CACNA2D1: variants seen among roughly 807,000 people sequenced by gnomAD.
CACNA2D1 encodes the protein voltage-dependent calcium channel subunit alpha-2/delta-1.
In CACNA2D1, 53 loss-of-function variants were observed where a neutral mutation model predicts 171.5. That is an observed-to-expected ratio of 0.31 (90% CI 0.25 to 0.39). The LOEUF is 0.39. Among genes scored for constraint, CACNA2D1 ranks in the 10% least tolerant of loss-of-function variants. CACNA2D1 has a pLI of 1.00. For missense variants in CACNA2D1, 903 were observed against 1,299.8 expected (o/e 0.69, Z 4.69); for synonymous variants, 442 against 443.1 (o/e 1.00, Z 0.03).
At chr7:81,964,186 T>G (rs1432108135) in intron 33 of CACNA2D1, 21 bp downstream of exon 33, 1 of 1,612,624 alleles carries the variant, frequency 6.2e-7, no homozygotes, top group Non-Finnish European at 8.5e-7. Flanking sequence ...GAGAATTGAT[T>G]AGACCGTGGA....
At chr7:82,249,149 C>T (rs1273916667) in intron 3 of CACNA2D1, among the ~76,000 whole-genome samples, 5 of 150,832 alleles carry the variant, frequency 3.3e-5, no homozygotes, top group Admixed American at 1.3e-4. Context: ...TAAAATTCAA[C>T]ATAGATGTTT....
intron 3 of CACNA2D1, among the ~76,000 whole-genome samples, chr7:82,290,685 C>G (rs1409162158): frequency 6.6e-6 from 1 of 151,524 alleles, no homozygotes; most frequent in Admixed American, 6.6e-5. Flanking sequence ...CAACCTCTGC[C>G]TCCTAGGTTT....
At chr7:82,404,045 T>A (rs543024704) in intron 1 of CACNA2D1, among the ~76,000 whole-genome samples, 58 of 152,308 alleles carry the variant, frequency 3.8e-4, no homozygotes, top group African/African-American at 1.3e-3. Flanking sequence ...AATCTAGCAG[T>A]GTTAACTAAG....
intron 3 of CACNA2D1, among the ~76,000 whole-genome samples, chr7:82,300,182 C>G (rs1014407493): frequency 1.3e-5 from 2 of 151,498 alleles, no homozygotes; most frequent in African/African-American, 4.9e-5. Flanking sequence ...GTAAATAAAG[C>G]ACGAAGTTAG....
intron 4 of CACNA2D1, among the ~76,000 whole-genome samples, chr7:82,169,852 AT>A (rs34323202): frequency 0.52 from 77,070 of 148,964 alleles, 20,922 homozygotes; most frequent in Non-Finnish European, 0.62. Context: ...TTATTAAGGA[AT>A]TTTTTTTTTT....
At chr7:82,179,577 C>T (rs1235604108) in intron 3 of CACNA2D1, among the ~76,000 whole-genome samples, 6 of 152,046 alleles carry the variant, frequency 3.9e-5, no homozygotes, top group Non-Finnish European at 8.8e-5. Flanking sequence ...ACCTAAGTTG[C>T]CCTAAAATGG....
At chr7:82,443,929 A>T, upstream of CACNA2D1, 1 of 169,128 alleles carries the variant, frequency 5.9e-6, no homozygotes, top group East Asian at 1.2e-4. Flanking sequence ...TGGAAGCGAG[A>T]GGCTCCGTCT....
Position 82,119,312 on chromosome 7 carries a change from G to A in CACNA2D1, c.397-2139C>T, listed in dbSNP as rs564782923. Among the ~76,000 whole-genome samples the A allele has an allele frequency of 1.2e-4, 19 of 152,178 alleles. No homozygotes were observed. In the South Asian group the frequency reaches 3.3e-3, roughly 27 times the overall value. ...TATATTCAAATGCATTTGATAAAACGAAACTGACACATGAAATGCATAATT... is the reference window on the plus strand; with the variant it reads ...TATATTCAAATGCATTTGATAAAACAAAACTGACACATGAAATGCATAATT... On this transcript the variant is annotated intron_variant, in intron 5 of 38. Coordinates refer to ENST00000356860, the MANE Select transcript of CACNA2D1 (RefSeq NM_000722.4).
chr7:82,354,123 T>C (rs1820159260), intron 1 of CACNA2D1, among the ~76,000 whole-genome samples: 1 of 152,122 alleles, frequency 6.6e-6, no homozygotes, highest in Admixed American at 6.6e-5. Context: ...AATAAACAAG[T>C]AGATCATACC....
chr7:82,200,845 C>T (rs1799346245), intron 3 of CACNA2D1, among the ~76,000 whole-genome samples: 1 of 152,130 alleles, frequency 6.6e-6, no homozygotes, highest in Admixed American at 6.5e-5. Flanking sequence ...CTAACTGAAG[C>T]CAATTACACA....
At chr7:82,379,604 T>C (rs1264526466) in intron 1 of CACNA2D1, among the ~76,000 whole-genome samples, 1 of 152,182 alleles carries the variant, frequency 6.6e-6, no homozygotes, top group African/African-American at 2.4e-5. Context: ...ATTCAAAGAT[T>C]ACTGACTACT....
chr7:82,217,358 A>ATAT (rs200842334), intron 3 of CACNA2D1, among the ~76,000 whole-genome samples: 9 of 131,792 alleles, frequency 6.8e-5, no homozygotes, highest in South Asian at 2.4e-4. Flanking sequence ...TTAAAAAAAA[A>ATAT]ATATATATAT....
intron 4 of CACNA2D1, among the ~76,000 whole-genome samples, chr7:82,148,063 T>G (rs766707476): frequency 2.0e-5 from 3 of 152,118 alleles, no homozygotes; most frequent in Non-Finnish European, 4.4e-5. Context: ...AAGGTTTAAT[T>G]TATATATTAG....
At position 82,106,721 on chromosome 7, in the gene CACNA2D1, T is replaced by G. The variant is rs1177285470; in HGVS notation, c.526+10323A>C. ...TGGAAATGAAGAAAATCTAGTATTGTAAAATACTTGAGCTCCTTCTTAAGA... is the reference window on the plus strand; with the variant it reads ...TGGAAATGAAGAAAATCTAGTATTGGAAAATACTTGAGCTCCTTCTTAAGA... On this transcript the variant is annotated intron_variant, in intron 6 of 38. Transcript: ENST00000356860. 2.0e-5 allele frequency among the ~76,000 whole-genome samples: 3 copies of G among 152,284 alleles called. No individual in the cohort carries two copies. In the East Asian group the frequency reaches 5.8e-4, roughly 29 times the overall value.
chr7:82,369,559 T>C (rs1160826380), intron 1 of CACNA2D1, among the ~76,000 whole-genome samples: 5 of 152,014 alleles, frequency 3.3e-5, no homozygotes, highest in Non-Finnish European at 7.4e-5. Context: ...TTGTAAGAAG[T>C]TATTCTACTA....
At chr7:82,095,852 T>C (rs1397539695) in intron 6 of CACNA2D1, among the ~76,000 whole-genome samples, 2 of 152,202 alleles carry the variant, frequency 1.3e-5, no homozygotes, top group African/African-American at 4.8e-5. Flanking sequence ...ATTTCATCCA[T>C]TCAAATGTCC....
At chr7:82,243,414 T>C (rs1804545492) in intron 3 of CACNA2D1, among the ~76,000 whole-genome samples, 2 of 152,196 alleles carry the variant, frequency 1.3e-5, no homozygotes, top group Admixed American at 6.5e-5. Context: ...GGTTGACATA[T>C]GATTGACTCT....
intron 4 of CACNA2D1, among the ~76,000 whole-genome samples, chr7:82,144,980 G>A (rs1233946160): frequency 1.3e-5 from 2 of 151,798 alleles, no homozygotes; most frequent in African/African-American, 2.4e-5. Flanking sequence ...TAAGCATTGA[G>A]CTTTGTACAC....
intron 3 of CACNA2D1, among the ~76,000 whole-genome samples, chr7:82,177,325 T>C (rs1249752207): frequency 6.6e-6 from 1 of 152,004 alleles, no homozygotes; most frequent in African/African-American, 2.4e-5. Context: ...ACCTTAGGCA[T>C]TGGTTGGAAG....
Sources: gnomAD v4.1 joint callset for allele counts (sites outside exome capture counted in the v4.1 genomes callset) on GRCh38, gnomAD v4.1.1 for gene constraint, MANE v1.5 for transcripts, NCBI Gene and HGNC (gene_info 2026-07-23, HGNC 2026-07-21) for gene names.